Variants in SCN8A observed in about 807,000 individuals in gnomAD.
SCN8A encodes the protein sodium channel protein type 8 subunit alpha.
In SCN8A, 30 loss-of-function variants were observed where a neutral mutation model predicts 184.1. The ratio of observed to expected loss-of-function variants is 0.16; its 90% CI spans 0.12 to 0.22. SCN8A has a LOEUF of 0.22. Ranked by LOEUF, SCN8A falls within the 10% of genes least tolerant of loss-of-function variation. The pLI is 1.00. For synonymous variants in SCN8A, 852 were observed against 907.0 expected, an observed-to-expected ratio of 0.94 and a Z score of 1.09; for missense variants, 1,057 against 2,498.9, an observed-to-expected ratio of 0.42 and a Z score of 12.30.
intron 1 of SCN8A, among the ~76,000 whole-genome samples, chr12:51,653,243 C>T (rs1940754850): frequency 6.6e-6 from 1 of 152,124 alleles, no homozygotes; most frequent in Non-Finnish European, 1.5e-5. Context: ...TTGCTTGAAC[C>T]TGGGAGGCGG....
chr12:51,755,107 C>T (rs1942654106), intron 14 of SCN8A, among the ~76,000 whole-genome samples: 1 of 152,158 alleles, frequency 6.6e-6, no homozygotes, highest in Non-Finnish European at 1.5e-5. Flanking sequence ...AGTTAAGTTC[C>T]TATGGCATAT....
intron 1 of SCN8A, among the ~76,000 whole-genome samples, chr12:51,601,121 A>G (rs1424238785): frequency 2.0e-5 from 3 of 152,228 alleles, no homozygotes; most frequent in Admixed American, 1.3e-4. Flanking sequence ...CTGTTATACA[A>G]TAGTCTCTTG....
intron 2 of SCN8A, among the ~76,000 whole-genome samples, chr12:51,670,147 T>C (rs1941105847): frequency 1.3e-5 from 2 of 152,098 alleles, no homozygotes; most frequent in African/African-American, 2.4e-5. Context: ...CTCAAGGGGA[T>C]GGGTCATTGA....
At chr12:51,605,650 G>C (rs1172320489) in intron 1 of SCN8A, among the ~76,000 whole-genome samples, 1 of 152,160 alleles carries the variant, frequency 6.6e-6, no homozygotes, top group Non-Finnish European at 1.5e-5. Context: ...TCTACTTTTA[G>C]TTTTTTAAGG....
chr12:51,762,203 G>C lies in SCN8A; in HGVS notation c.2371-300G>C, dbSNP rs138546617. Among the ~76,000 whole-genome samples the C allele has an allele frequency of 2.9e-3, 448 of 152,216 alleles. 3 individuals carry two copies. Among genetic ancestry groups the C allele is most frequent in the African/African-American group, 0.01 (420 of 41,532 alleles). On this transcript the variant is annotated intron_variant, in intron 14 of 26. Coordinates refer to ENST00000627620, the MANE Select transcript of SCN8A (RefSeq NM_001330260.2). ...GCTGACCCTTTGAAAGGAGTTGCCT[G>C]GTGTAGTATTGCCATTGCTTAGCAT...
In SCN8A at chr12:51,774,232, C is replaced by A. The variant is rs759641353; in HGVS notation, c.3689C>A (p.Thr1230Asn). Residue 1230 changes from threonine to asparagine, a missense_variant, in exon 20 of 27, where the codon ACC (threonine) becomes AAC (asparagine). Thr to Asn is a moderately conservative substitution (Grantham distance 65). This residue lies in a region of SCN8A where 43 missense variants were observed against 118.4 expected (regional missense o/e 0.36). Coordinates refer to ENST00000627620, the MANE Select transcript of SCN8A (RefSeq NM_001330260.2). ...IYIEQRKTIR[T>N]ILEYADKVFT... ...ATTGAGCAGAGAAAGACCATCCGCA[C>A]CATCCTGGAATATGCTGACAAAGTC... 1 of 1,613,800 alleles carries A rather than the reference C, an allele frequency of 6.2e-7. No individual in the cohort carries two copies. Among genetic ancestry groups the A allele is most frequent in the Non-Finnish European group, 8.5e-7 (1 of 1,179,858 alleles).
chr12:51,673,406 A>G (rs755478844), intron 2 of SCN8A, among the ~76,000 whole-genome samples: 5 of 152,270 alleles, frequency 3.3e-5, no homozygotes, highest in Non-Finnish European at 7.4e-5. Context: ...GAACAACTGT[A>G]TGTTGTTGTG....
At chr12:51,799,103 T>C (rs943195112) in intron 26 of SCN8A, among the ~76,000 whole-genome samples, 10 of 152,172 alleles carry the variant, frequency 6.6e-5, no homozygotes, top group Non-Finnish European at 1.3e-4. Context: ...GTCTGTAAAC[T>C]AGGCCCTAGT....
intron 25 of SCN8A, among the ~76,000 whole-genome samples, chr12:51,793,459 AAGC>A (rs1938322338): frequency 6.6e-6 from 1 of 152,182 alleles, no homozygotes; most frequent in African/African-American, 2.4e-5. Context: ...AGTGGCAAGA[AAGC>A]AACTCAGGAT....
intron 1 of SCN8A, among the ~76,000 whole-genome samples, chr12:51,640,835 C>A (rs1433384838): frequency 6.6e-6 from 1 of 152,206 alleles, no homozygotes; most frequent in African/African-American, 2.4e-5. Flanking sequence ...TTAGTGAAAT[C>A]ATTTGTTATT....
chr12:51,729,208 C>T (rs780025888), intron 12 of SCN8A, among the ~76,000 whole-genome samples: 27 of 152,120 alleles, frequency 1.8e-4, no homozygotes, highest in Non-Finnish European at 3.2e-4. Context: ...GTAAGCCGCA[C>T]CCAAGAGTTA....
At chr12:51,751,997 C>G (rs1781272819) in intron 14 of SCN8A, among the ~76,000 whole-genome samples, 2 of 152,134 alleles carry the variant, frequency 1.3e-5, no homozygotes, top group Admixed American at 1.3e-4. Context: ...TAGGGGAGCT[C>G]TTATAGTACA....
At chr12:51,712,818 A>T in intron 11 of SCN8A, 1 of 1,190,258 alleles carries the variant, frequency 8.4e-7, no homozygotes, top group Non-Finnish European at 1.3e-6. Context: ...ATCCACCATC[A>T]CCTCCTCCAT....
chr12:51,800,915 A>G (rs1001612605), intron 26 of SCN8A, among the ~76,000 whole-genome samples: 2 of 152,180 alleles, frequency 1.3e-5, no homozygotes, highest in Non-Finnish European at 2.9e-5. Context: ...CCTCAAAGGG[A>G]CCAGGCCTCC....
At chr12:51,740,702 C>T (rs913048046) in intron 12 of SCN8A, among the ~76,000 whole-genome samples, 6 of 152,026 alleles carry the variant, frequency 3.9e-5, no homozygotes, top group African/African-American at 1.4e-4. Context: ...AGGTTAAGTC[C>T]AGTGTTTCTT....
intron 20 of SCN8A, among the ~76,000 whole-genome samples, chr12:51,779,474 A>G (rs549137774): frequency 6.6e-6 from 1 of 152,300 alleles, no homozygotes; most frequent in East Asian, 1.9e-4. Flanking sequence ...GGAGGTCTGC[A>G]GGCTTCTTCC....
At chr12:51,786,058 A>G (rs1038544107) in intron 21 of SCN8A, among the ~76,000 whole-genome samples, 4 of 152,170 alleles carry the variant, frequency 2.6e-5, no homozygotes, top group Non-Finnish European at 5.9e-5. Context: ...GCGTAGTCAT[A>G]AAAGAGACAT....
intron 6 of SCN8A, among the ~76,000 whole-genome samples, chr12:51,699,078 A>T (rs1051161989): frequency 6.6e-6 from 1 of 152,276 alleles, no homozygotes; most frequent in African/African-American, 2.4e-5. Flanking sequence ...ATAAGATGCT[A>T]CTGAAACACT....
intron 1 of SCN8A, among the ~76,000 whole-genome samples, chr12:51,626,154 T>C (rs1002178612): frequency 1.3e-5 from 2 of 152,184 alleles, no homozygotes; most frequent in Non-Finnish European, 2.9e-5. Context: ...CAGGTTAGAA[T>C]TGGCCAATTT....
Sources: gnomAD v4.1 joint callset for allele counts (sites outside exome capture counted in the v4.1 genomes callset) on GRCh38, gnomAD v4.1.1 for gene constraint, gnomAD v4.1.1 regional missense constraint, MANE v1.5 for transcripts, NCBI Gene and HGNC (gene_info 2026-07-23, HGNC 2026-07-21) for gene names.